Variants in AFG3L2 observed in about 807,000 individuals in gnomAD.
The protein encoded by AFG3L2 is AFG3 like matrix AAA peptidase subunit 2.
A neutral mutation model predicts 94.5 loss-of-function variants in AFG3L2; 54 were observed. The ratio of observed to expected loss-of-function variants is 0.57; its 90% CI spans 0.46 to 0.72. AFG3L2 has a LOEUF of 0.72. Among genes scored for constraint, AFG3L2 ranks in the 30% least tolerant of loss-of-function variants. The pLI is 0.00. For missense variants in AFG3L2, 754 were observed against 994.9 expected (o/e 0.76, Z 3.26); for synonymous variants, 377 against 365.5 (o/e 1.03, Z -0.36).
intron 10 of AFG3L2, 118 bp downstream of exon 10, chr18:12,352,887 A>G (rs1908362555): frequency 7.1e-7 from 1 of 1,410,920 alleles, no homozygotes; most frequent in African/African-American, 1.4e-5. Context: ...CCCAGGGGTC[A>G]GAGGATGCAG....
At chr18:12,357,023 G>C (rs913263795) in intron 8 of AFG3L2, among the ~76,000 whole-genome samples, 192 bp from the exon 9 acceptor site, 1 of 151,904 alleles carries the variant, frequency 6.6e-6, no homozygotes, top group Non-Finnish European at 1.5e-5. Context: ...AAATAATTTT[G>C]TTTCAAAAAA....
At chr18:12,361,220 A>C (rs1393658440) in intron 6 of AFG3L2, among the ~76,000 whole-genome samples, 1 of 152,178 alleles carries the variant, frequency 6.6e-6, no homozygotes, top group Non-Finnish European at 1.5e-5. Context: ...AACTACAAAA[A>C]TTAGCTAGGC....
At chr18:12,376,943 G>A in intron 1 of AFG3L2, 26 bp downstream of exon 1, 1 of 1,410,906 alleles carries the variant, frequency 7.1e-7, no homozygotes, top group Non-Finnish European at 9.2e-7. Context: ...AGGGTGGAGG[G>A]CGCCGGGCGC....
At chr18:12,335,221 A>G (rs1907702555) in intron 16 of AFG3L2, among the ~76,000 whole-genome samples, 1 of 152,206 alleles carries the variant, frequency 6.6e-6, no homozygotes, top group African/African-American at 2.4e-5. Flanking sequence ...GACAAAGACC[A>G]GACCAGAAAT....
rs778340897 is a variant in AFG3L2, at chr18:12,337,331, T to C, written c.2175+10A>G. 1.2e-6 allele frequency: 2 copies of C among 1,612,838 alleles called. No individual in the cohort carries two copies. The highest frequency in any genetic ancestry group is 1.1e-5 in the South Asian group (1 of 91,064). ...AACTGTAAAGAATTATTCCCACAAC[T>C]GGCACCTACCTTCTCCACGTCAGCT... On this transcript the variant is annotated intron_variant, in intron 16 of 16. Coordinates refer to ENST00000269143, the MANE Select transcript of AFG3L2 (RefSeq NM_006796.3).
intron 3 of AFG3L2, 116 bp downstream of exon 3, chr18:12,370,733 A>T: frequency 1.4e-6 from 1 of 734,304 alleles, no homozygotes; most frequent in East Asian, 2.9e-5. Flanking sequence ...GGCTGGGATT[A>T]CAGGCGTGAG....
In AFG3L2 at chr18:12,329,195, CAAAG is replaced by C; in HGVS notation, c.*366_*369del. 1 of 702,982 alleles carries C rather than the reference CAAAG, an allele frequency of 1.4e-6. No homozygotes were observed. 43.5% of individuals were successfully genotyped at this position (702,982 alleles called of 1,614,324 possible). On this transcript the variant is annotated 3_prime_UTR_variant, in exon 17 of 17. Transcript: ENST00000269143. ...AGAAACAGGAATGAAGAGTGGGCGA[CAAAG>C]AGAAAGCATCCCTTCCCACACGCCA... is the stretch of plus-strand genomic sequence containing the variant.
intron 12 of AFG3L2, 46 bp downstream of exon 12, chr18:12,351,039 G>A (rs756148691): frequency 5.5e-5 from 89 of 1,609,962 alleles, no homozygotes; most frequent in Non-Finnish European, 7.6e-5. Flanking sequence ...AACTGTTACT[G>A]ATTTTAATAT....
rs575180142 is a variant in AFG3L2, at chr18:12,366,906, C to A, written c.552+59G>T. On this transcript the variant is annotated intron_variant, in intron 5 of 16. Coordinates refer to ENST00000269143, the MANE Select transcript of AFG3L2 (RefSeq NM_006796.3). The stretch of plus-strand genomic sequence containing the variant: ...ACCTGCTGACTGTCACTTCTTTGGT[C>A]TAATCTGATGAATTTCACCTTTGAA... The A allele has an allele frequency of 3.8e-6, 6 of 1,599,098 alleles. No individual in the cohort carries two copies. The East Asian group carries it at 1.3e-4, about 36-fold the overall frequency.
At chr18:12,361,731 T>C (rs931203625) in intron 6 of AFG3L2, among the ~76,000 whole-genome samples, 2 of 152,234 alleles carry the variant, frequency 1.3e-5, no homozygotes, top group African/African-American at 4.8e-5. Flanking sequence ...GTGAGGAACA[T>C]TACTTTGGTA....
At chr18:12,365,771 C>T (rs1014754237) in intron 5 of AFG3L2, among the ~76,000 whole-genome samples, 1 of 152,066 alleles carries the variant, frequency 6.6e-6, no homozygotes, top group Admixed American at 6.6e-5. Flanking sequence ...TTACTTTATC[C>T]ATTTCATGGA....
chr18:12,362,941 GT>G (rs1472076483), intron 6 of AFG3L2, among the ~76,000 whole-genome samples: 1 of 152,178 alleles, frequency 6.6e-6, no homozygotes, highest in Non-Finnish European at 1.5e-5. Context: ...CAGCACTAAA[GT>G]CTGAGGATAA....
intron 12 of AFG3L2, 129 bp downstream of exon 12, chr18:12,350,956 A>T: frequency 7.8e-7 from 1 of 1,287,538 alleles, no homozygotes; most frequent in Non-Finnish European, 1.1e-6. Context: ...CAAAAAAAAT[A>T]AAAATGAGAA....
At chr18:12,364,221 T>C (rs1250123611) in intron 5 of AFG3L2, among the ~76,000 whole-genome samples, 1 of 152,206 alleles carries the variant, frequency 6.6e-6, no homozygotes, top group Non-Finnish European at 1.5e-5. Context: ...AACATTGCAT[T>C]TGTGAGGTTT....
chr18:12,361,588 A>T (rs547184644), intron 6 of AFG3L2, among the ~76,000 whole-genome samples: 26 of 152,332 alleles, frequency 1.7e-4, no homozygotes, highest in African/African-American at 6.3e-4. Context: ...CGGAAGTTGC[A>T]GTGAGCCAAG....
Position 12,377,169 on chromosome 18 carries a change from G to C in AFG3L2, c.-87C>G, listed in dbSNP as rs765114598. The C allele has an allele frequency of 2.9e-5, 31 of 1,064,962 alleles. No homozygotes were observed. In the South Asian group the frequency reaches 3.8e-4, roughly 13 times the overall value. The allele number at this position is 1,064,962 out of a possible 1,614,324, so 66.0% of individuals were successfully genotyped here. On this transcript the variant is annotated 5_prime_UTR_variant, in exon 1 of 17. Coordinates refer to ENST00000269143, the MANE Select transcript of AFG3L2 (RefSeq NM_006796.3). Reference sequence around the variant, plus strand: ...CGGCCTCGGGAAGCGGGCTCGGCTCGGGGAAAGGCCGCCAGGCAGCGAAGC... The same window carrying C: ...CGGCCTCGGGAAGCGGGCTCGGCTCCGGGAAAGGCCGCCAGGCAGCGAAGC...
chr18:12,361,228 G>C (rs1908649824), intron 6 of AFG3L2, among the ~76,000 whole-genome samples: 1 of 152,142 alleles, frequency 6.6e-6, no homozygotes. Context: ...AAATTAGCTA[G>C]GCATGGTGGC....
intron 1 of AFG3L2, 106 bp from the exon 2 acceptor site, chr18:12,371,797 G>T: frequency 1.1e-6 from 1 of 922,774 alleles, no homozygotes; most frequent in Non-Finnish European, 1.7e-6. Context: ...CTCTTCCACA[G>T]GTGGTTATGA....
chr18:12,363,800 T>C lies in AFG3L2; in HGVS notation c.609A>G (p.Gly203=). The stretch of plus-strand genomic sequence containing the variant: ...GATTTACCCCATCAACAGGAGTTTT[T>C]CCTGGTGTAAAGGTCACTCGAACAA... ...KRFVRVTFTP[G]KTPVDGQYVW... is the part of the protein sequence containing the mutation. Residue 203 remains glycine, a synonymous_variant, in exon 6 of 17, where the codon GGA becomes GGG. Coordinates refer to ENST00000269143, the MANE Select transcript of AFG3L2 (RefSeq NM_006796.3). 2 of 1,612,938 alleles carry C rather than the reference T, an allele frequency of 1.2e-6. No homozygotes were observed. The highest frequency in any genetic ancestry group is 1.7e-6 in the Non-Finnish European group (2 of 1,179,620).
Sources: allele counts gnomAD v4.1 joint callset (sites outside exome capture counted in the v4.1 genomes callset), GRCh38; gene constraint gnomAD v4.1.1; transcripts MANE v1.5; gene names NCBI Gene and HGNC (gene_info 2026-07-23, HGNC 2026-07-21).